The following VIPR1 variants were observed in gnomAD, a reference collection of about 807,000 sequenced individuals.
The protein encoded by VIPR1 is vasoactive intestinal polypeptide receptor 1.
In VIPR1, 59 loss-of-function variants were observed where a neutral mutation model predicts 58.8. The observed-to-expected ratio is 1.00, with a 90% CI of 0.81 to 1.25. VIPR1 has a LOEUF of 1.25. VIPR1 is among the 50% of genes most tolerant of loss of function. VIPR1 has a pLI of 0.00. For missense variants in VIPR1, 626 were observed against 602.7 expected (o/e 1.04, Z -0.40); for synonymous variants, 251 against 242.1 (o/e 1.04, Z -0.34).
intron 2 of VIPR1, among the ~76,000 whole-genome samples, chr3:42,517,801 C>A (rs1700709231): frequency 6.6e-6 from 1 of 152,256 alleles, no homozygotes; most frequent in African/African-American, 2.4e-5. Context: ...CATGGCGAAA[C>A]CCCGTCTCTA....
Position 42,536,096 on chromosome 3 carries a change from G to A in VIPR1, c.1189G>A (p.Ala397Thr), listed in dbSNP as rs768366294. 3 of 1,599,892 alleles carry A rather than the reference G, an allele frequency of 1.9e-6. No individual in the cohort carries two copies. Among genetic ancestry groups the A allele is most frequent in the Non-Finnish European group, 2.6e-6 (3 of 1,173,740 alleles). ...LYCFLNGEVQ[A>T]ELRRKWRRWH... ...CCACCTTCCCCTCTCCTAGGTGCAGGCGGAGCTGAGGCGGAAGTGGCGGCG... is the reference window on the plus strand; with the variant it reads ...CCACCTTCCCCTCTCCTAGGTGCAGACGGAGCTGAGGCGGAAGTGGCGGCG... The change falls in exon 13 of 13, where the codon GCG becomes ACG. Residue 397 changes from alanine (A) to threonine (T), a missense_variant. Transcript: ENST00000325123.
At chr3:42,500,493 A>T (rs1240660734), upstream of VIPR1, 4 of 152,292 alleles carry the variant, frequency 2.6e-5, no homozygotes, top group East Asian at 7.7e-4. Flanking sequence ...GGATTTCAGC[A>T]TCCTGCAGCT....
intron 3 of VIPR1, 149 bp from the exon 4 acceptor site, chr3:42,525,738 C>A (rs909868337): frequency 1.3e-6 from 1 of 759,936 alleles, no homozygotes; most frequent in Non-Finnish European, 2.1e-6. Flanking sequence ...CCCACGGTGC[C>A]CTGGGTAACT....
chr3:42,503,837 T>C (rs1181497243), intron 1 of VIPR1, among the ~76,000 whole-genome samples: 1 of 152,166 alleles, frequency 6.6e-6, no homozygotes, highest in Non-Finnish European at 1.5e-5. Context: ...GGCAGGGCCT[T>C]AAATGCCCAC....
intron 10 of VIPR1, chr3:42,534,615 C>A: frequency 5.8e-6 from 1 of 173,572 alleles, no homozygotes; most frequent in Non-Finnish European, 1.2e-5. Flanking sequence ...GACCAGGGGG[C>A]CCAGGCAACA....
At chr3:42,491,366 G>T (rs1699662061) in intron 1 of VIPR1, among the ~76,000 whole-genome samples, 1 of 152,120 alleles carries the variant, frequency 6.6e-6, no homozygotes, top group Admixed American at 6.5e-5. Context: ...ATGGTATTGT[G>T]GTTATTTTTT....
At chr3:42,505,448 G>A (rs1194008372) in intron 1 of VIPR1, among the ~76,000 whole-genome samples, 3 of 152,222 alleles carry the variant, frequency 2.0e-5, no homozygotes, top group Non-Finnish European at 2.9e-5. Context: ...TGCTGCCCCT[G>A]CCACCTGCCT....
At chr3:42,525,252 A>G (rs1335709028) in intron 3 of VIPR1, among the ~76,000 whole-genome samples, 1 of 152,048 alleles carries the variant, frequency 6.6e-6, no homozygotes, top group African/African-American at 2.4e-5. Flanking sequence ...CTCTGAGGAC[A>G]GTGGACAGTG....
intron 1 of VIPR1, among the ~76,000 whole-genome samples, chr3:42,510,086 C>CA (rs2125639879): frequency 6.6e-6 from 1 of 152,348 alleles, no homozygotes; most frequent in African/African-American, 2.4e-5. Flanking sequence ...AATCCTACCC[C>CA]AGTCTACATC....
chr3:42,530,632 G>C, intron 6 of VIPR1, 147 bp from the exon 7 acceptor site: 1 of 916,444 alleles, frequency 1.1e-6, no homozygotes, highest in Non-Finnish European at 1.6e-6. Context: ...GAAAACCAAT[G>C]AGTACATTTT....
rs373972156 is a variant in VIPR1 at position 42,511,451 on chromosome 3, T to A, written c.79-2298T>A. On this transcript the variant is annotated intron_variant, in intron 1 of 12. Transcript: ENST00000325123. Reference sequence around the variant, plus strand: ...GACTTAAGCCTTGGTCACATGTCAATCCCCTGGAAGAGGGTTCATCAGAAC... The same window carrying A: ...GACTTAAGCCTTGGTCACATGTCAAACCCCTGGAAGAGGGTTCATCAGAAC... Among the ~76,000 whole-genome samples, 14 of 152,144 alleles carry A rather than the reference T, an allele frequency of 9.2e-5. No homozygotes were observed. In the South Asian group the frequency reaches 2.9e-3, roughly 32 times the overall value.
At chr3:42,526,807 G>T (rs1205317095) in intron 4 of VIPR1, among the ~76,000 whole-genome samples, 1 of 152,156 alleles carries the variant, frequency 6.6e-6, no homozygotes, top group Non-Finnish European at 1.5e-5. Flanking sequence ...AGGGCATCAG[G>T]AGAGGGGACC....
intron 3 of VIPR1, among the ~76,000 whole-genome samples, chr3:42,522,113 T>A (rs1280636060): frequency 0.015 from 956 of 65,086 alleles, 7 homozygotes; most frequent in African/African-American, 0.037. Context: ...TTTTTTTTTT[T>A]TTTTTTTTTT....
At chr3:42,507,956 C>CAAAAAAAAAAAAAAAAA (rs58978493) in intron 1 of VIPR1, 3 of 109,370 alleles carry the variant, frequency 2.7e-5, no homozygotes, top group African/African-American at 3.9e-5. Context: ...GTGAGGCTGG[C>CAAAAAAAAAAAAAAAAA]AAAAAAAAAA....
chr3:42,513,510 G>A (rs1577215929), intron 1 of VIPR1: 1 of 491,074 alleles, frequency 2.0e-6, no homozygotes, highest in East Asian at 3.4e-5. Flanking sequence ...AGTTACAGCT[G>A]CAGCACTAAT....
intron 1 of VIPR1, among the ~76,000 whole-genome samples, chr3:42,508,469 T>G (rs1341108343): frequency 2.6e-5 from 4 of 152,168 alleles, no homozygotes; most frequent in African/African-American, 4.8e-5. Context: ...CGCTGGGACT[T>G]TAGATATTTT....
chr3:42,522,690 G>A (rs1701013294), intron 3 of VIPR1, among the ~76,000 whole-genome samples: 1 of 152,180 alleles, frequency 6.6e-6, no homozygotes, highest in South Asian at 2.1e-4. Flanking sequence ...CTGTCTCAGG[G>A]TGGGGAGCTG....
chr3:42,515,564 G>A (rs1394707483), intron 2 of VIPR1, among the ~76,000 whole-genome samples: 1 of 152,234 alleles, frequency 6.6e-6, no homozygotes, highest in African/African-American at 2.4e-5. Flanking sequence ...GGTCACTGCT[G>A]GCACAGCGTT....
intron 2 of VIPR1, among the ~76,000 whole-genome samples, chr3:42,515,651 G>T (rs753985172): frequency 2.6e-5 from 4 of 152,234 alleles, no homozygotes; most frequent in Non-Finnish European, 5.9e-5. Context: ...TGTGGCCATG[G>T]GTCTGCCCGT....
Sources: allele counts gnomAD v4.1 joint callset (sites outside exome capture counted in the v4.1 genomes callset), GRCh38; gene constraint gnomAD v4.1.1; transcripts MANE v1.5; gene names NCBI Gene and HGNC (gene_info 2026-07-23, HGNC 2026-07-21).